The following EMID1 variants were observed in gnomAD, a reference collection of about 807,000 sequenced individuals.
EMID1 encodes the protein EMI domain-containing protein 1.
A neutral mutation model predicts 60.6 loss-of-function variants in EMID1; 40 were observed. The observed-to-expected ratio is 0.66, with a 90% CI of 0.51 to 0.86. The LOEUF is 0.86. Among genes scored for constraint, EMID1 ranks in the 40% least tolerant of loss-of-function variants. The pLI, the probability that EMID1 is intolerant of heterozygous loss-of-function variation, is 0.00. For synonymous variants in EMID1, 242 were observed against 231.0 expected (o/e 1.05, Z -0.43); for missense variants, 585 against 597.1 (o/e 0.98, Z 0.21).
chr22:29,246,001 T>G (rs1260621692), intron 13 of EMID1, among the ~76,000 whole-genome samples: 2 of 152,104 alleles, frequency 1.3e-5, no homozygotes, highest in Non-Finnish European at 2.9e-5. Context: ...GTGGTCACAG[T>G]GAGGTGAGGG....
At chr22:29,212,455 T>G (rs1160632260) in intron 1 of EMID1, among the ~76,000 whole-genome samples, 2 of 151,756 alleles carry the variant, frequency 1.3e-5, no homozygotes, top group Non-Finnish European at 2.9e-5. Context: ...GGGTTGAGAG[T>G]GCAAGCTCTG....
chr22:29,233,442 GGCCTCC>G lies in EMID1; in HGVS notation c.888_893del (p.Pro297_Pro298del). 1 of 1,614,182 alleles carries G rather than the reference GGCCTCC, an allele frequency of 6.2e-7. No homozygotes were observed. ...AACCACTGGCCCCAGGGACCCACTG[GGCCTCC>G]AGGCCCTCCAGGGCCCATGGGTAAG... On this transcript the variant is annotated inframe_deletion, in exon 9 of 15. Coordinates refer to ENST00000334018, the MANE Select transcript of EMID1 (RefSeq NM_133455.4).
At chr22:29,234,951 C>T (rs181878576) in intron 12 of EMID1, among the ~76,000 whole-genome samples, 31 of 151,228 alleles carry the variant, frequency 2.0e-4, no homozygotes, top group African/African-American at 6.8e-4. Flanking sequence ...TGTGGGAGGC[C>T]GAGGAAGGTG....
rs2040721350 is a variant in EMID1 at position 29,231,061 on chromosome 22, A to T, written c.507A>T (p.Thr169=). 1 of 1,613,834 alleles carries T rather than the reference A, an allele frequency of 6.2e-7. No individual in the cohort carries two copies. Among genetic ancestry groups the T allele is most frequent in the Non-Finnish European group, 8.5e-7 (1 of 1,179,872 alleles). ...TCATAGAGCAGCCAGTACCTCCAAC[A>T]CCAGCTACCCCTGAGGACCCTGCCC... is the stretch of plus-strand genomic sequence containing the variant. ...LTVIEQPVPP[T]PATPEDPAPL... is the part of the protein sequence containing the mutation. The change falls in exon 6 of 15, where the codon ACA becomes ACT. Residue 169 remains threonine, a synonymous_variant. Transcript: ENST00000334018.
At chr22:29,239,681 C>A (rs1452005205) in intron 12 of EMID1, among the ~76,000 whole-genome samples, 1 of 151,794 alleles carries the variant, frequency 6.6e-6, no homozygotes, top group Non-Finnish European at 1.5e-5. Flanking sequence ...AAAAGAACTG[C>A]AGTAGATAGG....
intron 10 of EMID1, 31 bp downstream of exon 10, chr22:29,233,697 G>A (rs763294152): frequency 1.2e-6 from 2 of 1,605,312 alleles, no homozygotes; most frequent in Non-Finnish European, 1.7e-6. Flanking sequence ...TCTCACCCAT[G>A]TGTCTGTCCA....
intron 2 of EMID1, 24 bp from the exon 3 acceptor site, chr22:29,215,503 T>C: frequency 6.2e-7 from 1 of 1,609,080 alleles, no homozygotes; most frequent in Non-Finnish European, 8.5e-7. Flanking sequence ...CTGTCTCAGC[T>C]GGGCCACCTG....
rs536396882 is a variant in EMID1 at position 29,230,884 on chromosome 22, TG to T, written c.466-134del. ...GGCAGAAGGATCGCTTAAGCCCGGGTGGTTGAGGCTGCATGAGCCGTCATAG... is the reference window on the plus strand; with the variant it reads ...GGCAGAAGGATCGCTTAAGCCCGGGTGTTGAGGCTGCATGAGCCGTCATAG... On this transcript the variant is annotated intron_variant, in intron 5 of 14. Coordinates refer to ENST00000334018, the MANE Select transcript of EMID1 (RefSeq NM_133455.4). 1.6e-4 allele frequency: 171 copies of T among 1,102,060 alleles called. No individual in the cohort carries two copies. The East Asian group carries it at 4.2e-3, about 27-fold the overall frequency. 68.3% of individuals were successfully genotyped at this position (1,102,060 alleles called of 1,614,324 possible).
At position 29,258,935 on chromosome 22, in the gene EMID1, G is replaced by C; in HGVS notation, c.1323G>C (p.Glu441Asp). 6.2e-7 allele frequency: 1 copy of C among 1,612,554 alleles called. No individual in the cohort carries two copies. Among genetic ancestry groups the C allele is most frequent in the South Asian group, 1.1e-5 (1 of 90,990 alleles). Residue 441 changes from glutamate (E) to aspartate (D), a missense_variant, in exon 15 of 15, where the codon GAG becomes GAC. By Grantham distance (45) the Glu-to-Asp change is conservative. Coordinates refer to ENST00000334018, the MANE Select transcript of EMID1 (RefSeq NM_133455.4). The part of the protein sequence containing the change: ...YRIVAPRSRD[E>D]RG ...TCGTGGCCCCCAGGAGCCGGGACGA[G>C]AGAGGCTGAGGGTGGTGGCGGCCCC...
chr22:29,255,208 G>GGGCCCCCC, intron 14 of EMID1: 6 of 815,192 alleles, frequency 7.4e-6, no homozygotes, highest in Non-Finnish European at 5.3e-6. Flanking sequence ...TCCCCGCTTG[G>GGGCCCCCC]CTCCCCAGCC....
In EMID1 at chr22:29,206,135, C is replaced by T; in HGVS notation, c.97C>T (p.Arg33Cys). The T allele has an allele frequency of 8.1e-7, 1 of 1,230,604 alleles. No homozygotes were observed. The highest frequency in any genetic ancestry group is 3.0e-4 in the Middle Eastern group (1 of 3,354). The allele number at this position is 1,230,604 out of a possible 1,614,324, so 76.2% of individuals were successfully genotyped here. A position where few individuals can be genotyped will look rare whatever the true frequency, so the allele number is the denominator to read the frequency against. The part of the protein sequence containing the change: ...WSIGAAPFSG[R>C]RNWCSYVVTR... Reference sequence around the variant, plus strand: ...CATCGGGGCAGCTCCGTTCTCCGGACGCAGGTAAGAGCTCCCGGCGCCTTT... The same window carrying T: ...CATCGGGGCAGCTCCGTTCTCCGGATGCAGGTAAGAGCTCCCGGCGCCTTT... The change falls in exon 1 of 15, where the codon CGC (arginine) becomes TGC (cysteine). Residue 33 changes from arginine to cysteine, a missense_variant. Coordinates refer to ENST00000334018, the MANE Select transcript of EMID1 (RefSeq NM_133455.4).
In EMID1 at chr22:29,215,550, C is replaced by T. The variant is rs774432501; in HGVS notation, c.239C>T (p.Thr80Ile). Reference sequence around the variant, plus strand: ...AGCTACAGAACTGTGGTGAGACCCACATACAAGGTGATGTACAAGATAGTG... The same window carrying T: ...AGCTACAGAACTGTGGTGAGACCCATATACAAGGTGATGTACAAGATAGTG... Reference protein sequence around the residue: ...GSSYRTVVRPTYKVMYKIVTA... With the variant: ...GSSYRTVVRPIYKVMYKIVTA... The change falls in exon 3 of 15, where the codon ACA becomes ATA. Residue 80 changes from threonine to isoleucine, a missense_variant. Transcript: ENST00000334018. 1.9e-6 allele frequency: 3 copies of T among 1,613,990 alleles called. No individual in the cohort carries two copies. Among genetic ancestry groups the T allele is most frequent in the Non-Finnish European group, 2.5e-6 (3 of 1,179,984 alleles).
chr22:29,225,806 A>G (rs1009527143), intron 4 of EMID1, among the ~76,000 whole-genome samples: 1 of 152,204 alleles, frequency 6.6e-6, no homozygotes, highest in Non-Finnish European at 1.5e-5. Flanking sequence ...GACTGCTGGC[A>G]TAGCACTTGG....
chr22:29,224,325 C>A (rs2040414950), intron 3 of EMID1, among the ~76,000 whole-genome samples: 1 of 152,232 alleles, frequency 6.6e-6, no homozygotes, highest in Non-Finnish European at 1.5e-5. Context: ...GCCTGGGGGG[C>A]TGAGGGGGGC....
chr22:29,249,316 G>T (rs542070921), intron 13 of EMID1, among the ~76,000 whole-genome samples: 22 of 152,108 alleles, frequency 1.4e-4, no homozygotes, highest in Admixed American at 1.4e-3. Context: ...ACCCAGGCTG[G>T]AGTGCAGTGG....
At position 29,244,262 on chromosome 22, in the gene EMID1, C is replaced by T. The variant is rs61308790; in HGVS notation, c.1119+773C>T. Reference sequence around the variant, plus strand: ...GAAGGGGGAACTAGAAACCACACACCGCAAAATCTCATGATTAATGTGGGG... The same window carrying T: ...GAAGGGGGAACTAGAAACCACACACTGCAAAATCTCATGATTAATGTGGGG... On this transcript the variant is annotated intron_variant, in intron 13 of 14. Coordinates refer to ENST00000334018, the MANE Select transcript of EMID1 (RefSeq NM_133455.4). Among the ~76,000 whole-genome samples, 1,508 of 152,014 alleles carry T rather than the reference C, an allele frequency of 9.9e-3. 37 individuals carry two copies. The highest frequency in any genetic ancestry group is 0.035 in the African/African-American group (1,449 of 41,460).
intron 14 of EMID1, among the ~76,000 whole-genome samples, chr22:29,255,969 A>G (rs1283783888): frequency 2.6e-5 from 4 of 152,192 alleles, no homozygotes; most frequent in Non-Finnish European, 5.9e-5. Context: ...AGTGGGTGGT[A>G]CCCCTCCTTG....
At chr22:29,231,187 G>C (rs749321765) in intron 6 of EMID1, 47 bp downstream of exon 6, 4 of 1,541,040 alleles carry the variant, frequency 2.6e-6, no homozygotes, top group Non-Finnish European at 8.7e-7. Context: ...CAGTGGGTTG[G>C]GAATCGGGGA....
rs576639306 is a variant in EMID1, at chr22:29,258,812, G to A, written c.1205-5G>A. 28 of 1,612,664 alleles carry A rather than the reference G, an allele frequency of 1.7e-5. No homozygotes were observed. The highest frequency in any genetic ancestry group is 2.4e-5 in the Non-Finnish European group (28 of 1,179,610). On this transcript the variant is annotated splice_region_variant and splice_polypyrimidine_tract_variant and intron_variant, in intron 14 of 14. Transcript: ENST00000334018. ...TGTGGCCTCTCTCCTTCTTCCCTCCGGCAGAACCAGAGCTGGGGTCTGGGG... is the reference window on the plus strand; with the variant it reads ...TGTGGCCTCTCTCCTTCTTCCCTCCAGCAGAACCAGAGCTGGGGTCTGGGG...
Sources: gnomAD v4.1 joint callset for allele counts (sites outside exome capture counted in the v4.1 genomes callset) on GRCh38, gnomAD v4.1.1 for gene constraint, MANE v1.5 for transcripts, NCBI Gene and HGNC (gene_info 2026-07-23, HGNC 2026-07-21) for gene names.